The following CERS6 variants were observed in gnomAD, a reference collection of about 807,000 sequenced individuals.
CERS6 encodes the protein ceramide synthase 6.
A neutral mutation model predicts 56.8 loss-of-function variants in CERS6; 26 were observed. That is an observed-to-expected ratio of 0.46 (90% CI 0.34 to 0.63). The LOEUF (loss-of-function observed/expected upper bound fraction) is 0.63, where lower values mean the gene tolerates loss of function less well. Among genes scored for constraint, CERS6 ranks in the 30% least tolerant of loss-of-function variants. The pLI is 0.01. For missense variants in CERS6, 415 were observed against 467.5 expected (o/e 0.89, Z 1.04); for synonymous variants, 164 against 173.3 (o/e 0.95, Z 0.42).
At chr2:168,570,110 A>T (rs973090030) in intron 3 of CERS6, among the ~76,000 whole-genome samples, 4 of 152,146 alleles carry the variant, frequency 2.6e-5, no homozygotes, top group African/African-American at 4.8e-5. Context: ...CATTTTGAGG[A>T]GGAGAGATCC....
At chr2:168,711,325 C>A (rs1457589914) in intron 6 of CERS6, among the ~76,000 whole-genome samples, 2 of 152,186 alleles carry the variant, frequency 1.3e-5, no homozygotes, top group Non-Finnish European at 2.9e-5. Flanking sequence ...TCGCTCCCCG[C>A]CACATATACA....
intron 8 of CERS6, among the ~76,000 whole-genome samples, chr2:168,748,900 C>T (rs1194956080): frequency 6.6e-6 from 1 of 151,868 alleles, no homozygotes; most frequent in African/African-American, 2.4e-5. Context: ...ACAGTATAGG[C>T]ACCTGCAGTG....
intron 1 of CERS6, among the ~76,000 whole-genome samples, chr2:168,512,354 T>C (rs976454610): frequency 1.1e-4 from 16 of 152,184 alleles, no homozygotes; most frequent in Non-Finnish European, 2.1e-4. Flanking sequence ...TGTATGTATT[T>C]TACCACAATT....
intron 4 of CERS6, among the ~76,000 whole-genome samples, chr2:168,633,864 A>T (rs1684804413): frequency 6.6e-6 from 1 of 152,214 alleles, no homozygotes; most frequent in Non-Finnish European, 1.5e-5. Flanking sequence ...TCTTCCAAAA[A>T]GTACAGTAGG....
chr2:168,593,220 A>G (rs1683716900), intron 3 of CERS6, among the ~76,000 whole-genome samples: 1 of 152,196 alleles, frequency 6.6e-6, no homozygotes, highest in African/African-American at 2.4e-5. Flanking sequence ...CAAAATTTTA[A>G]ATTTAATCAC....
At chr2:168,687,662 G>A (rs1158899631) in intron 4 of CERS6, among the ~76,000 whole-genome samples, 1 of 152,162 alleles carries the variant, frequency 6.6e-6, no homozygotes, top group Non-Finnish European at 1.5e-5. Flanking sequence ...TGATTTAAGT[G>A]TACATGTGTG....
intron 3 of CERS6, among the ~76,000 whole-genome samples, chr2:168,586,219 A>AT (rs897101581): frequency 2.8e-4 from 43 of 152,096 alleles, no homozygotes; most frequent in African/African-American, 1.0e-3. Context: ...CCTTTAAAAA[A>AT]AAAAAAAAGG....
rs185337427 is a variant in CERS6, at chr2:168,728,743, T to C, written c.845+10765T>C. ...GTCGCCGGCCAGTCGCAGTGGCTCA[T>C]GTCTGTAATCCCAGCACTTTGGGAG... On this transcript the variant is annotated intron_variant, in intron 8 of 9. Transcript: ENST00000305747. 7.1e-3 allele frequency among the ~76,000 whole-genome samples: 1,082 copies of C among 152,040 alleles called. 11 individuals are homozygous for C. Among genetic ancestry groups the C allele is most frequent in the African/African-American group, 0.024 (1,013 of 41,490 alleles).
At chr2:168,637,259 C>T (rs559647133) in intron 4 of CERS6, among the ~76,000 whole-genome samples, 27 of 152,214 alleles carry the variant, frequency 1.8e-4, no homozygotes, top group Admixed American at 9.2e-4. Flanking sequence ...GCGTGGATCA[C>T]GAGGTCAGGA....
rs139806997 is a variant in CERS6, at chr2:168,476,752, C to G, written c.170+20134C>G. On this transcript the variant is annotated intron_variant, in intron 1 of 9. Coordinates refer to ENST00000305747, the MANE Select transcript of CERS6 (RefSeq NM_203463.3). ...GAGTGTGTGCTAGCTCCAGGAGAGA[C>G]AGGAAATCCTTTTCCTCTGTTTTTT... 1.1e-3 allele frequency among the ~76,000 whole-genome samples: 163 copies of G among 152,118 alleles called. 2 individuals are homozygous for G. In the East Asian group the frequency reaches 0.028, roughly 26 times the overall value.
chr2:168,544,283 A>C (rs143082929), intron 1 of CERS6, among the ~76,000 whole-genome samples: 190 of 152,230 alleles, frequency 1.2e-3, no homozygotes, highest in African/African-American at 4.5e-3. Flanking sequence ...TGGGGAGCTG[A>C]TTATAACAAT....
intron 6 of CERS6, among the ~76,000 whole-genome samples, chr2:168,703,515 G>A (rs899439498): frequency 1.4e-4 from 22 of 152,010 alleles, no homozygotes; most frequent in Admixed American, 5.9e-4. Context: ...CCAAGATCAC[G>A]CCACTGCACT....
chr2:168,738,767 C>T (rs542272696), intron 8 of CERS6, among the ~76,000 whole-genome samples: 5 of 152,292 alleles, frequency 3.3e-5, no homozygotes, highest in South Asian at 2.1e-4. Context: ...ATGTAGTACC[C>T]GTGCTCCAGA....
chr2:168,669,573 C>T (rs1685855807), intron 4 of CERS6, among the ~76,000 whole-genome samples: 1 of 152,172 alleles, frequency 6.6e-6, no homozygotes, highest in Non-Finnish European at 1.5e-5. Context: ...CCACCCTCTT[C>T]ATACTGAGCA....
At chr2:168,726,745 C>T (rs959702573) in intron 8 of CERS6, among the ~76,000 whole-genome samples, 2 of 152,092 alleles carry the variant, frequency 1.3e-5, no homozygotes, top group Non-Finnish European at 2.9e-5. Flanking sequence ...AGGCATTTTT[C>T]AAAATGTGCT....
At chr2:168,747,915 C>T (rs1684155397) in intron 8 of CERS6, among the ~76,000 whole-genome samples, 1 of 152,136 alleles carries the variant, frequency 6.6e-6, no homozygotes, top group Non-Finnish European at 1.5e-5. Flanking sequence ...AGCCCAAAGA[C>T]TTCAACATGC....
intron 1 of CERS6, among the ~76,000 whole-genome samples, chr2:168,488,984 G>A (rs1190673487): frequency 1.3e-5 from 2 of 152,044 alleles, no homozygotes; most frequent in Non-Finnish European, 2.9e-5. Flanking sequence ...TATATTTACC[G>A]AGATATTTAT....
rs530231701 is a variant in CERS6 at position 168,580,256 on chromosome 2, A to G, written c.407+18934A>G. ...CATTTTTACATGCTTTTACATCTTC[A>G]TCTTGTTTTGTGCTTTCTATTTTTG... On this transcript the variant is annotated intron_variant, in intron 3 of 9. Coordinates refer to ENST00000305747, the MANE Select transcript of CERS6 (RefSeq NM_203463.3). Among the ~76,000 whole-genome samples the G allele has an allele frequency of 2.0e-5, 3 of 151,846 alleles. No individual in the cohort carries two copies. The South Asian group carries it at 6.2e-4, about 32-fold the overall frequency.
chr2:168,629,389 G>A (rs184931725), intron 3 of CERS6, among the ~76,000 whole-genome samples: 37 of 151,856 alleles, frequency 2.4e-4, no homozygotes, highest in Admixed American at 2.1e-3. Context: ...TTCCATACTG[G>A]AAGGATTGGG....
Sources: gnomAD v4.1 joint callset for allele counts (sites outside exome capture counted in the v4.1 genomes callset) on GRCh38, gnomAD v4.1.1 for gene constraint, MANE v1.5 for transcripts, NCBI Gene and HGNC (gene_info 2026-07-23, HGNC 2026-07-21) for gene names.